The following FAM47E variants were observed in gnomAD, a reference collection of about 807,000 sequenced individuals.
FAM47E encodes family with sequence similarity 47 member E.
FAM47E carries 32 observed loss-of-function variants against 41.6 expected under a neutral mutation model. The ratio of observed to expected loss-of-function variants is 0.77; its 90% CI spans 0.58 to 1.03. The LOEUF (loss-of-function observed/expected upper bound fraction) is 1.03, where lower values mean the gene tolerates loss of function less well. Among genes scored for constraint, FAM47E ranks in the 50% least tolerant of loss-of-function variants. FAM47E has a pLI of 0.00. For synonymous variants in FAM47E, 184 were observed against 188.7 expected, an observed-to-expected ratio of 0.98 and a Z score of 0.20; for missense variants, 424 against 485.4, an observed-to-expected ratio of 0.87 and a Z score of 1.19.
At chr4:76,280,427 AC>A in intron 7 of FAM47E, 86 bp downstream of exon 7, 1 of 728,340 alleles carries the variant, frequency 1.4e-6, no homozygotes, top group East Asian at 2.8e-5. Flanking sequence ...ACCCTGACAA[AC>A]CCAAATAGTT....
intron 2 of FAM47E, among the ~76,000 whole-genome samples, chr4:76,220,658 C>T (rs929798691): frequency 1.3e-5 from 2 of 152,186 alleles, no homozygotes; most frequent in Admixed American, 6.5e-5. Context: ...CATGCTACTA[C>T]AGTGCAGACT....
rs200350389 is a variant in FAM47E at position 76,277,548 on chromosome 4, A to AT, written c.871-521_871-520insT. On this transcript the variant is annotated intron_variant, in intron 5 of 7. Coordinates refer to ENST00000424749, the MANE Select transcript of FAM47E (RefSeq NM_001136570.3). ...AAAAGCTTGGTGTTAGCAGTTTGATAAAAAAAAAAATATTGTAGCATGTGC... is the reference window on the plus strand; with the variant it reads ...AAAAGCTTGGTGTTAGCAGTTTGATATAAAAAAAAAATATTGTAGCATGTGC... Among the ~76,000 whole-genome samples, 144 of 60,416 alleles carry AT rather than the reference A, an allele frequency of 2.4e-3. 1 individual carries two copies. Among genetic ancestry groups the AT allele is most frequent in the African/African-American group, 0.01 (137 of 13,698 alleles). 39.6% of individuals were successfully genotyped at this position (60,416 alleles called of 152,430 possible).
chr4:76,247,737 A>G (rs1311947961), upstream of FAM47E, among the ~76,000 whole-genome samples: 1 of 151,930 alleles, frequency 6.6e-6, no homozygotes, highest in Non-Finnish European at 1.5e-5. Flanking sequence ...GGCCATTTGT[A>G]TATCTTCTTT....
chr4:76,271,683 T>C lies in FAM47E; in HGVS notation c.785T>C (p.Leu262Pro), dbSNP rs960123621. The change falls in exon 5 of 8, where the codon CTA becomes CCA. Residue 262 changes from leucine (L) to proline (P), a missense_variant. Transcript: ENST00000424749. ...TMKLNQVPLE[L>P]KRSVGLSKLQ... The stretch of plus-strand genomic sequence containing the variant: ...AAGCTAAATCAGGTTCCTCTGGAGC[T>C]AAAGCGTAGTGTGGGGCTCAGTAAA... 8 of 1,551,892 alleles carry C rather than the reference T, an allele frequency of 5.2e-6. No homozygotes were observed. The highest frequency in any genetic ancestry group is 7.0e-6 in the Non-Finnish European group (8 of 1,147,064).
chr4:76,239,117 A>G (rs1172540086), intron 2 of FAM47E, among the ~76,000 whole-genome samples: 1 of 152,140 alleles, frequency 6.6e-6, no homozygotes, highest in Non-Finnish European at 1.5e-5. Context: ...TGTTTACCAC[A>G]TTTTGCTTAT....
chr4:76,276,029 GACAGACAGACAC>G (rs1421316485), intron 5 of FAM47E, among the ~76,000 whole-genome samples: 5 of 118,686 alleles, frequency 4.2e-5, no homozygotes, highest in Admixed American at 9.1e-5. Flanking sequence ...CAGACAGACA[GACAGACAGACAC>G]ACACACACAC....
At chr4:76,247,356 G>C (rs1168325576), upstream of FAM47E, among the ~76,000 whole-genome samples, 1 of 151,994 alleles carries the variant, frequency 6.6e-6, no homozygotes. Context: ...TGGACACTTG[G>C]GTTCTTATCA....
chr4:76,256,751 G>T (rs1417738012), intron 2 of FAM47E, among the ~76,000 whole-genome samples: 1 of 152,144 alleles, frequency 6.6e-6, no homozygotes, highest in Non-Finnish European at 1.5e-5. Flanking sequence ...TTCCTGTGAA[G>T]CCCTTCAATT....
intron 2 of FAM47E, among the ~76,000 whole-genome samples, chr4:76,262,129 T>C (rs1178467645): frequency 6.6e-6 from 1 of 152,120 alleles, no homozygotes; most frequent in East Asian, 1.9e-4. Context: ...CATAGAAGTA[T>C]GGCACAGAAG....
chr4:76,230,925 C>T (rs1007582863), intron 2 of FAM47E, among the ~76,000 whole-genome samples: 3 of 152,214 alleles, frequency 2.0e-5, no homozygotes, highest in South Asian at 2.1e-4. Context: ...GAATCAGCCA[C>T]GATCACCTGT....
chr4:76,224,171 A>G (rs1733354908), intron 2 of FAM47E, among the ~76,000 whole-genome samples: 1 of 152,262 alleles, frequency 6.6e-6, no homozygotes, highest in South Asian at 2.1e-4. Context: ...CTAGGCAGAT[A>G]CAGTCCATTA....
chr4:76,236,351 A>G (rs774984839), intron 2 of FAM47E: 6 of 152,256 alleles, frequency 3.9e-5, no homozygotes, highest in Non-Finnish European at 8.8e-5. Context: ...TTTATTTCAA[A>G]TAATGAGATG....
chr4:76,230,626 G>C (rs1200735111), intron 2 of FAM47E, among the ~76,000 whole-genome samples: 2 of 152,064 alleles, frequency 1.3e-5, no homozygotes, highest in Non-Finnish European at 2.9e-5. Context: ...TCTCTTCCTA[G>C]CAGATATCTG....
chr4:76,251,767 G>A lies in FAM47E; in HGVS notation c.21G>A (p.Arg7=), dbSNP rs1298637505. 6.7e-7 allele frequency: 1 copy of A among 1,487,488 alleles called. No homozygotes were observed. Among genetic ancestry groups the A allele is most frequent in the Non-Finnish European group, 8.9e-7 (1 of 1,124,906 alleles). 92.1% of individuals were successfully genotyped at this position (1,487,488 alleles called of 1,614,324 possible). A position where few individuals can be genotyped will look rare whatever the true frequency, so the allele number is the denominator to read the frequency against. MADRRR[R]LRPGTLAPVR... ...CCACCATGGCGGACCGCAGGCGGCG[G>A]CTCCGGCCGGGGACGTTGGCCCCGG... The change falls in exon 1 of 8, where the codon CGG becomes CGA. Residue 7 remains arginine, a synonymous_variant. Transcript: ENST00000424749.
intron 6 of FAM47E, 55 bp from the exon 7 acceptor site, chr4:76,280,209 T>C (rs1735288324): frequency 2.8e-6 from 3 of 1,072,160 alleles, no homozygotes; most frequent in African/African-American, 1.6e-5. Flanking sequence ...AGAACAAATA[T>C]GAAATCAAGC....
rs1350085582 is a variant in FAM47E, at chr4:76,280,252, G to T, written c.1027-12G>T. On this transcript the variant is annotated splice_polypyrimidine_tract_variant and intron_variant, in intron 6 of 7. Coordinates refer to ENST00000424749, the MANE Select transcript of FAM47E (RefSeq NM_001136570.3). ...GGCTGACCCCTTTCTTCAAATGTGG[G>T]TACTCTTTTAGGAGGAGTTACTTGC... is the stretch of plus-strand genomic sequence containing the variant. 6.5e-7 allele frequency: 1 copy of T among 1,529,158 alleles called. No individual in the cohort carries two copies. The highest frequency in any genetic ancestry group is 8.9e-7 in the Non-Finnish European group (1 of 1,128,712). 94.7% of individuals were successfully genotyped at this position (1,529,158 alleles called of 1,614,324 possible).
chr4:76,240,010 C>T (rs896427448), intron 2 of FAM47E, among the ~76,000 whole-genome samples: 10 of 152,142 alleles, frequency 6.6e-5, no homozygotes, highest in Non-Finnish European at 2.9e-5. Flanking sequence ...AATCTTAGCA[C>T]CCTTGTGCTA....
At chr4:76,239,399 T>A (rs551651344) in intron 2 of FAM47E, among the ~76,000 whole-genome samples, 39 of 152,254 alleles carry the variant, frequency 2.6e-4, no homozygotes, top group African/African-American at 3.4e-4. Flanking sequence ...TTATAATAAT[T>A]ATTATTTTTT....
intron 2 of FAM47E, 120 bp downstream of exon 2, chr4:76,256,643 T>G: frequency 8.0e-7 from 1 of 1,249,242 alleles, no homozygotes; most frequent in Non-Finnish European, 1.1e-6. Context: ...GATGAATGTC[T>G]CCCCCAGGAT....
Sources: gnomAD v4.1 joint callset for allele counts (sites outside exome capture counted in the v4.1 genomes callset) on GRCh38, gnomAD v4.1.1 for gene constraint, MANE v1.5 for transcripts, NCBI Gene and HGNC (gene_info 2026-07-23, HGNC 2026-07-21) for gene names.